PCDHA12: variants seen among roughly 807,000 people sequenced by gnomAD.
The protein encoded by PCDHA12 is protocadherin alpha-12.
Under a neutral mutation model 60.0 loss-of-function variants are expected in PCDHA12, and 44 were observed. The ratio of observed to expected loss-of-function variants is 0.73; its 90% CI spans 0.58 to 0.94. The LOEUF (loss-of-function observed/expected upper bound fraction) is 0.94. Ranked by LOEUF, PCDHA12 falls within the 40% of genes least tolerant of loss-of-function variation. PCDHA12 has a pLI of 0.00. For synonymous variants in PCDHA12, 569 were observed against 553.0 expected (o/e 1.03, Z -0.40); for missense variants, 1,276 against 1,239.7 (o/e 1.03, Z -0.44).
intron 1 of PCDHA12, among the ~76,000 whole-genome samples, chr5:140,947,315 C>CGGTT (rs1443576978): frequency 4.0e-5 from 6 of 151,444 alleles, no homozygotes; most frequent in African/African-American, 1.5e-4. Flanking sequence ...TGTAAAAAGT[C>CGGTT]GGTTGACCAT....
intron 1 of PCDHA12, among the ~76,000 whole-genome samples, chr5:140,890,189 G>C (rs1262049301): frequency 1.3e-5 from 2 of 152,102 alleles, no homozygotes; most frequent in Non-Finnish European, 2.9e-5. Context: ...CTACAAAACA[G>C]AGTTTTTTGT....
At chr5:140,917,259 T>C (rs1246984274) in intron 1 of PCDHA12, among the ~76,000 whole-genome samples, 2 of 151,338 alleles carry the variant, frequency 1.3e-5, no homozygotes, top group East Asian at 3.9e-4. Flanking sequence ...GCTCACCTGA[T>C]GTTTGGTTTT....
At chr5:140,879,676 C>G (rs539657930) in intron 1 of PCDHA12, among the ~76,000 whole-genome samples, 1 of 152,308 alleles carries the variant, frequency 6.6e-6, no homozygotes, top group South Asian at 2.1e-4. Flanking sequence ...AAACTGGGTG[C>G]TGTAAAACAG....
In PCDHA12 at chr5:140,927,773, A is replaced by G. The variant is rs143568645; in HGVS notation, c.2367+49934A>G. ...GTGCACCCTAAAAGTGGGGAGGTGC[A>G]AGTAGCTGCTTCACTAGGTCCGCCT... is the stretch of plus-strand genomic sequence containing the variant. On this transcript the variant is annotated intron_variant, in intron 1 of 3. Coordinates refer to ENST00000398631, the MANE Select transcript of PCDHA12 (RefSeq NM_018903.4). 201 of 1,614,196 alleles carry G rather than the reference A, an allele frequency of 1.2e-4. 4 individuals carry two copies. In the Middle Eastern group the frequency reaches 2.1e-3, roughly 17 times the overall value.
intron 1 of PCDHA12, among the ~76,000 whole-genome samples, chr5:140,940,929 A>G (rs2092704989): frequency 1.3e-5 from 2 of 152,230 alleles, no homozygotes; most frequent in Non-Finnish European, 2.9e-5. Flanking sequence ...CTCCTTGGCT[A>G]CTTAGACTAC....
chr5:140,898,505 T>A (rs1367691811), intron 1 of PCDHA12, among the ~76,000 whole-genome samples: 1 of 152,202 alleles, frequency 6.6e-6, no homozygotes, highest in East Asian at 1.9e-4. Flanking sequence ...GTTGTAGATA[T>A]GCGGCGTTAT....
intron 1 of PCDHA12, chr5:140,926,825 G>GT (rs1175916332): frequency 1.3e-6 from 2 of 1,499,578 alleles, no homozygotes; most frequent in Non-Finnish European, 1.8e-6. Flanking sequence ...CTCTCCAGGA[G>GT]TCCGGAGCAT....
At chr5:140,961,345 C>T (rs1440791542) in intron 1 of PCDHA12, among the ~76,000 whole-genome samples, 1 of 152,136 alleles carries the variant, frequency 6.6e-6, no homozygotes, top group Non-Finnish European at 1.5e-5. Context: ...AGAGTGGATC[C>T]CTGTAGTCCC....
intron 1 of PCDHA12, among the ~76,000 whole-genome samples, chr5:140,890,049 G>T (rs1488374417): frequency 1.3e-5 from 2 of 152,158 alleles, no homozygotes; most frequent in Non-Finnish European, 2.9e-5. Flanking sequence ...GTGTGTTGGA[G>T]CTGGCTCTTT....
chr5:140,921,932 TAATTTTACACTTGTAA>T (rs781950121), intron 1 of PCDHA12, among the ~76,000 whole-genome samples: 10 of 152,080 alleles, frequency 6.6e-5, no homozygotes, highest in Non-Finnish European at 1.5e-4. Flanking sequence ...ATAGTCAATA[TAATTTTACACTTGTAA>T]AATCCCAGAA....
intron 1 of PCDHA12, among the ~76,000 whole-genome samples, chr5:140,906,844 G>C (rs1295549477): frequency 6.6e-6 from 1 of 152,192 alleles, no homozygotes; most frequent in Non-Finnish European, 1.5e-5. Context: ...TTCATCTTGA[G>C]AGTCTGGGTC....
intron 1 of PCDHA12, among the ~76,000 whole-genome samples, chr5:140,894,202 A>G (rs1554185980): frequency 6.6e-6 from 1 of 152,034 alleles, no homozygotes. Context: ...TTTCTATGCT[A>G]TTATATTCTC....
chr5:140,876,774 G>C lies in PCDHA12; in HGVS notation c.1302G>C (p.Ser434=). 6 of 1,614,228 alleles carry C rather than the reference G, an allele frequency of 3.7e-6. No individual in the cohort carries two copies. The highest frequency in any genetic ancestry group is 5.1e-6 in the Non-Finnish European group (6 of 1,180,042). ...CTGCGCGGGATGGGGGCTCGCCTTC[G>C]CTGTGGGCCACGGCTAGAGTGTCCG... ...VVTARDGGSP[S]LWATARVSVE... is the part of the protein sequence containing the mutation. Residue 434 remains serine (S), a synonymous_variant, in exon 1 of 4, where the codon TCG becomes TCC. Coordinates refer to ENST00000398631, the MANE Select transcript of PCDHA12 (RefSeq NM_018903.4).
chr5:140,888,819 G>A (rs2061994549), intron 1 of PCDHA12, among the ~76,000 whole-genome samples: 1 of 151,908 alleles, frequency 6.6e-6, no homozygotes, highest in African/African-American at 2.4e-5. Context: ...TGTGATCTGT[G>A]ATCACATCAC....
intron 1 of PCDHA12, chr5:140,930,576 T>C (rs1554207933): frequency 1.3e-5 from 2 of 152,582 alleles, no homozygotes; most frequent in Non-Finnish European, 2.9e-5. Flanking sequence ...TCTACGGTAT[T>C]ACTTTTTGAC....
At chr5:140,909,598 T>A (rs934160611) in intron 1 of PCDHA12, among the ~76,000 whole-genome samples, 1 of 152,198 alleles carries the variant, frequency 6.6e-6, no homozygotes, top group Non-Finnish European at 1.5e-5. Flanking sequence ...ATTTACTATT[T>A]TTCTAGGTAG....
intron 3 of PCDHA12, among the ~76,000 whole-genome samples, chr5:140,991,523 T>A (rs73268060): frequency 0.032 from 4,843 of 152,294 alleles, 263 homozygotes; most frequent in African/African-American, 0.11. Flanking sequence ...CAAGGTGTGT[T>A]CTTGCCACTA....
intron 1 of PCDHA12, chr5:140,968,917 T>G: frequency 6.2e-7 from 1 of 1,614,216 alleles, no homozygotes; most frequent in Non-Finnish European, 8.5e-7. Flanking sequence ...CAGTGTCTTT[T>G]ATATTTCTTT....
chr5:141,011,104 C>G lies in PCDHA12; in HGVS notation c.*1167C>G, dbSNP rs1396728499. The G allele has an allele frequency of 6.5e-6, 1 of 153,844 alleles. No homozygotes were observed. Among genetic ancestry groups the G allele is most frequent in the Non-Finnish European group, 1.5e-5 (1 of 68,020 alleles). The allele number at this position is 153,844 out of a possible 1,614,324, so 9.5% of individuals were successfully genotyped here. A position where few individuals can be genotyped will look rare whatever the true frequency, so the allele number is the denominator to read the frequency against. On this transcript the variant is annotated 3_prime_UTR_variant, in exon 4 of 4. Transcript: ENST00000398631. ...GATCTCTCTTTCTCTCTCTCTCTCT[C>G]TTTTCTAAGAAACAATTATGTGCAC... is the stretch of plus-strand genomic sequence containing the variant.
Sources: gnomAD v4.1 joint callset for allele counts (sites outside exome capture counted in the v4.1 genomes callset) on GRCh38, gnomAD v4.1.1 for gene constraint, MANE v1.5 for transcripts, NCBI Gene and HGNC (gene_info 2026-07-23, HGNC 2026-07-21) for gene names.